ARHGAP24: variants seen among roughly 807,000 people sequenced by gnomAD.
ARHGAP24 encodes Rho GTPase activating protein 24.
A neutral mutation model predicts 76.4 loss-of-function variants in ARHGAP24; 50 were observed. The observed-to-expected ratio is 0.65, with a 90% CI of 0.52 to 0.83. The LOEUF is 0.83. ARHGAP24 is among the 40% of genes least tolerant of loss of function. The pLI, the probability that ARHGAP24 is intolerant of heterozygous loss-of-function variation, is 0.00. For missense variants in ARHGAP24, 930 were observed against 914.2 expected (o/e 1.02, Z -0.22); for synonymous variants, 345 against 323.3 (o/e 1.07, Z -0.72).
At chr4:85,632,218 C>G (rs1721180675) in intron 2 of ARHGAP24, among the ~76,000 whole-genome samples, 1 of 151,950 alleles carries the variant, frequency 6.6e-6, no homozygotes, top group South Asian at 2.1e-4. Flanking sequence ...TCTCTGATCT[C>G]TATATAGCCT....
At chr4:85,555,169 A>G (rs1181316595) in intron 1 of ARHGAP24, among the ~76,000 whole-genome samples, 1 of 152,150 alleles carries the variant, frequency 6.6e-6, no homozygotes, top group African/African-American at 2.4e-5. Context: ...CTGTGAAACT[A>G]GTGCAGTTGT....
chr4:85,660,678 C>T (rs982977896), intron 2 of ARHGAP24, among the ~76,000 whole-genome samples: 1 of 151,186 alleles, frequency 6.6e-6, no homozygotes, highest in Admixed American at 6.6e-5. Context: ...TGCCTGTAAT[C>T]CCAGCTACTC....
intron 3 of ARHGAP24, among the ~76,000 whole-genome samples, chr4:85,768,423 CT>C (rs1389109386): frequency 2.6e-5 from 4 of 152,072 alleles, no homozygotes; most frequent in Non-Finnish European, 5.9e-5. Context: ...GAAAAAAAGC[CT>C]TTTCAAATCT....
intron 3 of ARHGAP24, among the ~76,000 whole-genome samples, chr4:85,753,735 T>A (rs974955159): frequency 5.9e-5 from 9 of 152,322 alleles, no homozygotes; most frequent in Non-Finnish European, 1.3e-4. Context: ...TTTTCTAGAA[T>A]TGTGCTTATT....
At chr4:85,934,020 A>G (rs541931513) in intron 4 of ARHGAP24, among the ~76,000 whole-genome samples, 12 of 152,232 alleles carry the variant, frequency 7.9e-5, no homozygotes, top group African/African-American at 2.4e-4. Flanking sequence ...TGCTCCATGT[A>G]TGCAACTTAC....
In ARHGAP24 at chr4:85,670,150, T is replaced by C. The variant is rs73835512; in HGVS notation, c.181-51735T>C. On this transcript the variant is annotated intron_variant, in intron 2 of 9. Coordinates refer to ENST00000395184, the MANE Select transcript of ARHGAP24 (RefSeq NM_001025616.3). ...CCTCTCCAATAAACTGCCAAGCTTG[T>C]TTGGCTGCATAAATAAGCTGAACAT... Among the ~76,000 whole-genome samples, 920 of 152,280 alleles carry C rather than the reference T, an allele frequency of 6.0e-3. 10 individuals are homozygous for C. The highest frequency in any genetic ancestry group is 0.021 in the African/African-American group (857 of 41,558).
intron 1 of ARHGAP24, among the ~76,000 whole-genome samples, chr4:85,568,743 T>C (rs1726951821): frequency 6.6e-6 from 1 of 152,128 alleles, no homozygotes; most frequent in Non-Finnish European, 1.5e-5. Flanking sequence ...TCCAGACGTA[T>C]TGTAGAGACA....
intron 2 of ARHGAP24, among the ~76,000 whole-genome samples, chr4:85,677,707 T>A (rs1308183339): frequency 1.3e-5 from 2 of 152,220 alleles, no homozygotes; most frequent in East Asian, 3.8e-4. Context: ...GAGATACACT[T>A]AACATCAAAT....
intron 1 of ARHGAP24, among the ~76,000 whole-genome samples, chr4:85,537,487 A>G (rs2110120554): frequency 6.6e-6 from 1 of 152,272 alleles, no homozygotes; most frequent in Non-Finnish European, 1.5e-5. Flanking sequence ...AATCCATATA[A>G]AGCTAGCAGA....
intron 2 of ARHGAP24, among the ~76,000 whole-genome samples, chr4:85,696,123 G>C (rs1723855803): frequency 6.6e-6 from 1 of 151,766 alleles, no homozygotes; most frequent in Non-Finnish European, 1.5e-5. Context: ...GGATCCAACA[G>C]CTTTTATTTT....
chr4:85,778,051 C>T (rs538523006), intron 3 of ARHGAP24, among the ~76,000 whole-genome samples: 3 of 152,032 alleles, frequency 2.0e-5, no homozygotes, highest in Admixed American at 6.6e-5. Flanking sequence ...GTTTAAGAGC[C>T]GTGGAGTAGT....
intron 2 of ARHGAP24, among the ~76,000 whole-genome samples, chr4:85,578,758 C>CATT (rs1295827883): frequency 2.0e-5 from 3 of 151,844 alleles, no homozygotes; most frequent in African/African-American, 7.3e-5. Flanking sequence ...CTATCATCAT[C>CATT]ATCATCATTT....
intron 8 of ARHGAP24, among the ~76,000 whole-genome samples, chr4:85,994,036 T>C (rs1433389122): frequency 1.3e-5 from 2 of 152,214 alleles, no homozygotes; most frequent in African/African-American, 2.4e-5. Flanking sequence ...AAAAGTCTTA[T>C]GGATTTTCAT....
rs531735530 is a variant in ARHGAP24 at position 85,980,596 on chromosome 4, T to C, written c.928+2905T>C. Among the ~76,000 whole-genome samples the C allele has an allele frequency of 2.6e-5, 4 of 152,358 alleles. No homozygotes were observed. The South Asian group carries it at 8.3e-4, about 32-fold the overall frequency. On this transcript the variant is annotated intron_variant, in intron 8 of 9. Coordinates refer to ENST00000395184, the MANE Select transcript of ARHGAP24 (RefSeq NM_001025616.3). The stretch of plus-strand genomic sequence containing the variant: ...TTATACTATATGCTTTCAGAATATA[T>C]ACCCATTATACACTATTCCCTCTCC...
intron 1 of ARHGAP24, among the ~76,000 whole-genome samples, chr4:85,543,746 ATAGCCG>A (rs1725799002): frequency 6.6e-6 from 1 of 152,218 alleles, no homozygotes; most frequent in South Asian, 2.1e-4. Context: ...GTTACATTCC[ATAGCCG>A]TGTTAGGAAG....
chr4:85,558,292 C>T (rs751161559), intron 1 of ARHGAP24, among the ~76,000 whole-genome samples: 5 of 152,212 alleles, frequency 3.3e-5, no homozygotes, highest in Non-Finnish European at 7.4e-5. Flanking sequence ...ATATGTGCCA[C>T]CAAACTTCTT....
intron 1 of ARHGAP24, among the ~76,000 whole-genome samples, chr4:85,530,752 C>T (rs1385421415): frequency 2.6e-5 from 4 of 151,960 alleles, no homozygotes; most frequent in Non-Finnish European, 5.9e-5. Context: ...CTAGTTTTTT[C>T]TGTCTGAATA....
At chr4:85,909,717 T>G (rs1734961886) in intron 3 of ARHGAP24, among the ~76,000 whole-genome samples, 1 of 152,234 alleles carries the variant, frequency 6.6e-6, no homozygotes, top group African/African-American at 2.4e-5. Context: ...AATTATGAAA[T>G]GCACAGCATC....
intron 2 of ARHGAP24, among the ~76,000 whole-genome samples, chr4:85,624,072 C>T (rs989058612): frequency 2.0e-5 from 3 of 152,268 alleles, no homozygotes; most frequent in African/African-American, 7.2e-5. Flanking sequence ...ATTGAATACC[C>T]TTTATTTCCT....
Sources: gnomAD v4.1 joint callset for allele counts (sites outside exome capture counted in the v4.1 genomes callset) on GRCh38, gnomAD v4.1.1 for gene constraint, MANE v1.5 for transcripts, NCBI Gene and HGNC (gene_info 2026-07-23, HGNC 2026-07-21) for gene names.